ZNF296: variants seen among roughly 807,000 people sequenced by gnomAD.
ZNF296 encodes zinc finger protein 342.
Under a neutral mutation model 13.2 loss-of-function variants are expected in ZNF296, and 1 was observed. The ratio of observed to expected loss-of-function variants is 0.08; its 90% confidence interval spans 0.03 to 0.36. ZNF296 has a LOEUF of 0.36. Ranked by LOEUF, ZNF296 falls within the 10% of genes least tolerant of loss-of-function variation. ZNF296 has a pLI of 0.99. For missense variants in ZNF296, 555 were observed against 688.2 expected, an observed-to-expected ratio of 0.81 and a Z score of 2.16; for synonymous variants, 303 against 289.0, an observed-to-expected ratio of 1.05 and a Z score of -0.49.
At chr19:45,074,400 C>T (rs1038785623) in intron 2 of ZNF296, among the ~76,000 whole-genome samples, 4 of 152,154 alleles carry the variant, frequency 2.6e-5, no homozygotes, top group African/African-American at 9.7e-5. Context: ...TAGCGGCCAC[C>T]TAGTAAAGAG....
chr19:45,072,074 A>C lies in ZNF296; in HGVS notation c.955T>G (p.Cys319Gly). The C allele has an allele frequency of 6.2e-7, 1 of 1,612,354 alleles. No individual in the cohort carries two copies. The highest frequency in any genetic ancestry group is 1.1e-5 in the South Asian group (1 of 91,042). The change falls in exon 3 of 3, where the codon TGC (cysteine) becomes GGC (glycine). Residue 319 changes from cysteine (C) to glycine (G), a missense_variant. Physicochemically the swap from Cys to Gly is radical, Grantham distance 159. Coordinates refer to ENST00000303809, the MANE Select transcript of ZNF296 (RefSeq NM_145288.3). Reference protein sequence around the residue: ...HAAAPTSTLPCSGGEGAGAAA... With the variant: ...HAAAPTSTLPGSGGEGAGAAA... ...GCTCCAGCCCCCTCACCACCGCTGC[A>C]TGGAAGGGTGCTGGTGGGGGCAGCA...
At chr19:45,072,641 G>T in intron 2 of ZNF296, 61 bp from the exon 3 acceptor site, 1 of 1,522,956 alleles carries the variant, frequency 6.6e-7, no homozygotes, top group South Asian at 1.3e-5. Context: ...ACCTTCTGTG[G>T]GATAGGCACT....
intron 2 of ZNF296, among the ~76,000 whole-genome samples, chr19:45,073,540 T>C (rs1359126238): frequency 6.6e-6 from 1 of 150,668 alleles, no homozygotes; most frequent in Admixed American, 6.6e-5. Context: ...CGCGATCTCC[T>C]GACCTCATGA....
Position 45,072,123 on chromosome 19 carries a change from G to T in ZNF296, c.906C>A (p.Ala302=), listed in dbSNP as rs146724749. The change falls in exon 3 of 3, where the codon GCC becomes GCA. Residue 302 remains alanine (A), a synonymous_variant. Transcript: ENST00000303809. ...ADTSQEQASA[A]PPEPAVHAAA... ...CAGCATGGACAGCCGGCTCCGGAGGGGCTGCAGAGGCCTGCTCCTGGCTGG... is the reference window on the plus strand; with the variant it reads ...CAGCATGGACAGCCGGCTCCGGAGGTGCTGCAGAGGCCTGCTCCTGGCTGG... 2.2e-3 allele frequency: 3,525 copies of T among 1,606,868 alleles called. 52 individuals carry two copies. In the African/African-American group the frequency reaches 0.035, roughly 16 times the overall value.
rs368369975 is a variant in ZNF296, at chr19:45,073,355, T to C, written c.449-775A>G. Among the ~76,000 whole-genome samples the C allele has an allele frequency of 1.3e-3, 189 of 150,674 alleles. 1 individual carries two copies. The Middle Eastern group carries it at 0.014, about 11-fold the overall frequency. On this transcript the variant is annotated intron_variant, in intron 2 of 2. Transcript: ENST00000303809. ...AGTATTTTTTAAAGAGATGGGGTCC[T>C]GCTATGTTGCCCAGGCTATTTTTTT...
At chr19:45,074,505 T>C (rs186397640) in intron 2 of ZNF296, among the ~76,000 whole-genome samples, 1 of 152,208 alleles carries the variant, frequency 6.6e-6, no homozygotes, top group Non-Finnish European at 1.5e-5. Flanking sequence ...CGGGGTACTC[T>C]CAGTGGACAC....
At position 45,075,733 on chromosome 19, in the gene ZNF296, G is replaced by T. The variant is rs766442266; in HGVS notation, c.428C>A (p.Pro143His). ...CTCACCTGAGCCCTGGCCGCGGCTG[G>T]GGCCTCTGAAGAGCTGACAGCCCAG... Reference protein sequence around the residue: ...KKLGCQLFRGPSRGQGSEREE... With the variant: ...KKLGCQLFRGHSRGQGSEREE... The change falls in exon 2 of 3, where the codon CCC becomes CAC. Residue 143 changes from proline (P) to histidine (H), a missense_variant. Physicochemically the swap from Pro to His is moderately conservative, Grantham distance 77. Transcript: ENST00000303809. 6.2e-7 allele frequency: 1 copy of T among 1,614,062 alleles called. No homozygotes were observed. The highest frequency in any genetic ancestry group is 8.5e-7 in the Non-Finnish European group (1 of 1,179,982).
chr19:45,076,427 GAGGACGCACGA>G lies in ZNF296; in HGVS notation c.-65_-55del. ...GGGCAGGCAGGCAGGCGGGCGGGCG[GAGGACGCACGA>G]GCGGAGGACGCGCGGACCGTGCGCG... On this transcript the variant is annotated 5_prime_UTR_variant, in exon 1 of 3. Transcript: ENST00000303809. The surrounding 1 kb of genome is among the most constrained non-coding windows in gnomAD (Gnocchi z 4.9). 3.4e-6 allele frequency: 4 copies of G among 1,189,866 alleles called. No individual in the cohort carries two copies. The highest frequency in any genetic ancestry group is 3.2e-5 in the African/African-American group (2 of 63,024). 73.7% of individuals were successfully genotyped at this position (1,189,866 alleles called of 1,614,324 possible).
At chr19:45,074,324 G>A (rs1171224712) in intron 2 of ZNF296, among the ~76,000 whole-genome samples, 1 of 152,202 alleles carries the variant, frequency 6.6e-6, no homozygotes. Context: ...TTGCACCACA[G>A]CACTCCAGCC....
chr19:45,072,697 G>T, intron 2 of ZNF296, 117 bp from the exon 3 acceptor site: 1 of 1,267,302 alleles, frequency 7.9e-7, no homozygotes, highest in African/African-American at 1.5e-5. Context: ...CACACACCCT[G>T]GAAGGACCAG....
rs1052252811 is a variant in ZNF296, at chr19:45,076,435, A to T, written c.-62T>A. ...AGGCAGGCGGGCGGGCGGAGGACGC[A>T]CGAGCGGAGGACGCGCGGACCGTGC... On this transcript the variant is annotated 5_prime_UTR_variant, in exon 1 of 3. Transcript: ENST00000303809. The surrounding 1 kb of genome is among the most constrained non-coding windows in gnomAD (Gnocchi z 4.9). 2.5e-5 allele frequency: 29 copies of T among 1,169,220 alleles called. No homozygotes were observed. The African/African-American group carries it at 4.2e-4, about 17-fold the overall frequency. The allele number at this position is 1,169,220 out of a possible 1,614,324, so 72.4% of individuals were successfully genotyped here.
At position 45,071,897 on chromosome 19, in the gene ZNF296, CT is replaced by C; in HGVS notation, c.1131del (p.Gly379AlafsTer23). The stretch of plus-strand genomic sequence containing the variant: ...CCCCCGGGCCCGCGGCTCTTGCCCC[CT>C]GACTTGGGCATCTTTTTGGGTGATG... ...QKASPKKMPK[S>X]GGKSRGPGGS... On this transcript the variant is annotated frameshift_variant, in exon 3 of 3. Transcript: ENST00000303809. LOFTEE classifies it low-confidence loss of function (END_TRUNC). 1 of 1,613,460 alleles carries C rather than the reference CT, an allele frequency of 6.2e-7. No homozygotes were observed. Among genetic ancestry groups the C allele is most frequent in the East Asian group, 2.2e-5 (1 of 44,872 alleles).
At position 45,076,257 on chromosome 19, in the gene ZNF296, G is replaced by C. The variant is rs140111520; in HGVS notation, c.117C>G (p.Asp39Glu). 12 of 1,501,912 alleles carry C rather than the reference G, an allele frequency of 8.0e-6. No individual in the cohort carries two copies. Among genetic ancestry groups the C allele is most frequent in the African/African-American group, 2.9e-5 (2 of 68,552 alleles). The allele number at this position is 1,501,912 out of a possible 1,614,324, so 93.0% of individuals were successfully genotyped here. Residue 39 changes from aspartate to glutamate, a missense_variant, in exon 1 of 3, where the codon GAC (aspartate) becomes GAG (glutamate). Transcript: ENST00000303809. This position sits in a 1 kb window ranked among gnomAD's most constrained non-coding sequence, Gnocchi z 4.9. ...GCCTTGGGGCCTGTTGGGGCTGCGC[G>C]TCTGGCTCGGGCTTGAGTTCGATGA... Reference protein sequence around the residue: ...DLVIELKPEPDAQPQQAPRLG... With the variant: ...DLVIELKPEPEAQPQQAPRLG...
intron 2 of ZNF296, among the ~76,000 whole-genome samples, chr19:45,074,421 C>A (rs1291634503): frequency 6.6e-6 from 1 of 152,166 alleles, no homozygotes; most frequent in Non-Finnish European, 1.5e-5. Context: ...GTGGTAGTGA[C>A]CTGGGTCCCC....
At chr19:45,074,032 AATT>A (rs1042554696) in intron 2 of ZNF296, among the ~76,000 whole-genome samples, 7 of 149,392 alleles carry the variant, frequency 4.7e-5, no homozygotes, top group Non-Finnish European at 1.0e-4. Flanking sequence ...CAAAAAAAAA[AATT>A]TTTTTTGGTT....
In ZNF296 at chr19:45,076,175, G is replaced by A. The variant is rs1204776939; in HGVS notation, c.199C>T (p.His67Tyr). Residue 67 changes from histidine (H) to tyrosine (Y), a missense_variant, in exon 1 of 3, where the codon CAC becomes TAC. This residue lies in a region of ZNF296 where 137 missense variants were observed against 121.9 expected (regional missense o/e 1.12). Coordinates refer to ENST00000303809, the MANE Select transcript of ZNF296 (RefSeq NM_145288.3). The surrounding 1 kb of genome is among the most constrained non-coding windows in gnomAD (Gnocchi z 4.9). ...SSAGRFGGEP[H>Y]HSPGPMPAGA... The stretch of plus-strand genomic sequence containing the variant: ...GCGGGCATGGGGCCAGGGGAGTGGT[G>A]GGGTTCGCCGCCGAACCGCCCCGCC... 1 of 1,512,958 alleles carries A rather than the reference G, an allele frequency of 6.6e-7. No homozygotes were observed. Among genetic ancestry groups the A allele is most frequent in the Non-Finnish European group, 8.8e-7 (1 of 1,134,368 alleles). 93.7% of individuals were successfully genotyped at this position (1,512,958 alleles called of 1,614,324 possible).
Position 45,075,828 on chromosome 19 carries a change from C to T in ZNF296, c.333G>A (p.Leu111=). The change falls in exon 2 of 3, where the codon CTG becomes CTA. Residue 111 remains leucine, a synonymous_variant. Coordinates refer to ENST00000303809, the MANE Select transcript of ZNF296 (RefSeq NM_145288.3). ...TCTGCAGGCAGCGGCCGCAGGTCAACAGATCTGGGTGTTTGTCGGTCCAGG... is the reference window on the plus strand; with the variant it reads ...TCTGCAGGCAGCGGCCGCAGGTCAATAGATCTGGGTGTTTGTCGGTCCAGG... ...RQPWTDKHPD[L]LTCGRCLQTF... 1 of 1,614,082 alleles carries T rather than the reference C, an allele frequency of 6.2e-7. No homozygotes were observed. Among genetic ancestry groups the T allele is most frequent in the Non-Finnish European group, 8.5e-7 (1 of 1,180,008 alleles).
rs1011585188 is a variant in ZNF296 at position 45,076,423 on chromosome 19, G to GGCGGAGGACGCACGA, written c.-65_-51dup. On this transcript the variant is annotated 5_prime_UTR_variant, in exon 1 of 3. Transcript: ENST00000303809. The surrounding 1 kb of genome is among the most constrained non-coding windows in gnomAD (Gnocchi z 4.9). ...GGGCGGGCAGGCAGGCAGGCGGGCG[G>GGCGGAGGACGCACGA]GCGGAGGACGCACGAGCGGAGGACG... 7 of 1,204,888 alleles carry GGCGGAGGACGCACGA rather than the reference G, an allele frequency of 5.8e-6. No individual in the cohort carries two copies. The highest frequency in any genetic ancestry group is 8.6e-5 in the Admixed American group (2 of 23,154). 74.6% of individuals were successfully genotyped at this position (1,204,888 alleles called of 1,614,324 possible).
intron 2 of ZNF296, 122 bp from the exon 3 acceptor site, chr19:45,072,702 G>T: frequency 7.9e-7 from 1 of 1,269,882 alleles, no homozygotes; most frequent in Non-Finnish European, 1.1e-6. Context: ...ACCCTGGAAG[G>T]ACCAGGAAGC....
Sources: gnomAD v4.1 joint callset for allele counts (sites outside exome capture counted in the v4.1 genomes callset) on GRCh38, gnomAD v4.1.1 for gene constraint, gnomAD v4.1.1 regional missense constraint, Gnocchi (gnomAD v3.1) non-coding constraint, MANE v1.5 for transcripts, NCBI Gene and HGNC (gene_info 2026-07-23, HGNC 2026-07-21) for gene names.